OR2J1: variants seen among roughly 807,000 people sequenced by gnomAD.
The protein encoded by OR2J1 is olfactory receptor 2J1.
OR2J1 carries 10 observed loss-of-function variants against 10.2 expected under a neutral mutation model. The ratio of observed to expected loss-of-function variants is 0.98; its 90% CI spans 0.60 to 1.66. The LOEUF (loss-of-function observed/expected upper bound fraction) is 1.66. Ranked by LOEUF, OR2J1 falls within the 40% of genes most tolerant of loss-of-function variation. The pLI is 0.00. For synonymous variants in OR2J1, 143 were observed against 138.8 expected (o/e 1.03, Z -0.21); for missense variants, 317 against 379.4 (o/e 0.84, Z 1.37).
At position 29,101,976 on chromosome 6, in the gene OR2J1, G is replaced by A; in HGVS notation, c.*95G>A. ...TTTGTGATTTGTGTTTCATCTAACAGCTCACAAAACATGGAATAGTTCAGT... is the reference window on the plus strand; with the variant it reads ...TTTGTGATTTGTGTTTCATCTAACAACTCACAAAACATGGAATAGTTCAGT... On this transcript the variant is annotated 3_prime_UTR_variant, in exon 2 of 2. Transcript: ENST00000641659. 1.6e-6 allele frequency: 1 copy of A among 622,344 alleles called. No homozygotes were observed. The allele number at this position is 622,344 out of a possible 1,614,324, so 38.6% of individuals were successfully genotyped here.
In OR2J1 at chr6:29,101,886, G is replaced by A. The variant is rs770232906; in HGVS notation, c.*5G>A. 460 of 1,094,854 alleles carry A rather than the reference G, an allele frequency of 4.2e-4. No homozygotes were observed. The highest frequency in any genetic ancestry group is 5.5e-4 in the Non-Finnish European group (395 of 715,022). The allele number at this position is 1,094,854 out of a possible 1,614,324, so 67.8% of individuals were successfully genotyped here. ...GGGTGGGAATGGGGGATGTGACAGGGAAATCATGTTGGCTGTTGTTTTTCC... is the reference window on the plus strand; with the variant it reads ...GGGTGGGAATGGGGGATGTGACAGGAAAATCATGTTGGCTGTTGTTTTTCC... On this transcript the variant is annotated 3_prime_UTR_variant, in exon 2 of 2. Coordinates refer to ENST00000641659, the MANE Select transcript of OR2J1 (RefSeq NM_001348294.2).
Position 29,101,758 on chromosome 6 carries a change from C to A in OR2J1, c.816C>A (p.Gly272=). The change falls in exon 2 of 2, where the codon GGC becomes GGA. Residue 272 remains glycine (G), a synonymous_variant. Transcript: ENST00000641659. ...CATCAGAAAATTCTCAAGATCAAGGCAAGTTCATTGCCCTCTTTTACACTG... is the reference window on the plus strand; with the variant it reads ...CATCAGAAAATTCTCAAGATCAAGGAAAGTTCATTGCCCTCTTTTACACTG... ...QPPSENSQDQ[G]KFIALFYTVV... 6.2e-7 allele frequency: 1 copy of A among 1,612,800 alleles called. No individual in the cohort carries two copies. The highest frequency in any genetic ancestry group is 8.5e-7 in the Non-Finnish European group (1 of 1,178,780).
chr6:29,100,982 C>G lies in OR2J1; in HGVS notation c.40C>G (p.Leu14Val). ...AAATGCAAGTTTTGAAGACTTCTTT[C>G]TTCTACTTGGATTTTCTAACTGGCC... is the stretch of plus-strand genomic sequence containing the variant. ...KKNASFEDFF[L>V]LLGFSNWPHL... Residue 14 changes from leucine to valine, a missense_variant, in exon 2 of 2, where the codon CTT (leucine) becomes GTT (valine). Coordinates refer to ENST00000641659, the MANE Select transcript of OR2J1 (RefSeq NM_001348294.2). 1 of 1,418,192 alleles carries G rather than the reference C, an allele frequency of 7.1e-7. No homozygotes were observed. The highest frequency in any genetic ancestry group is 1.0e-6 in the Non-Finnish European group (1 of 1,003,060). The allele number at this position is 1,418,192 out of a possible 1,614,324, so 87.9% of individuals were successfully genotyped here.
Position 29,101,360 on chromosome 6 carries a change from C to T in OR2J1, c.418C>T (p.Arg140Cys), listed in dbSNP as rs767839171. The T allele has an allele frequency of 5.6e-6, 9 of 1,597,838 alleles. No individual in the cohort carries two copies. Among genetic ancestry groups the T allele is most frequent in the African/African-American group, 2.7e-5 (2 of 74,716 alleles). The change falls in exon 2 of 2, where the codon CGT (arginine) becomes TGT (cysteine). Residue 140 changes from arginine to cysteine, a missense_variant. By Grantham distance (180) the Arg-to-Cys change is radical (BLOSUM62 -3). Transcript: ENST00000641659. ...GCATTACACTGTCCTCATGCACCCT[C>T]GTTTCTGCCGCTTGTTGGCTGCGGC... ...PLHYTVLMHP[R>C]FCRLLAAASW... is the part of the protein sequence containing the mutation.
rs758842576 is a variant in OR2J1, at chr6:29,101,657, C to T, written c.715C>T (p.Leu239Phe). Residue 239 changes from leucine to phenylalanine, a missense_variant, in exon 2 of 2, where the codon CTT becomes TTT. Transcript: ENST00000641659. ...MQSTTGLQKV[L>F]RTCGAHLMVV... ...ATCAACCACTGGGCTTCAGAAAGTGCTTAGGACATGTGGAGCCCATCTTAT... is the reference window on the plus strand; with the variant it reads ...ATCAACCACTGGGCTTCAGAAAGTGTTTAGGACATGTGGAGCCCATCTTAT... 106 of 1,613,452 alleles carry T rather than the reference C, an allele frequency of 6.6e-5. No individual in the cohort carries two copies. In the Middle Eastern group the frequency reaches 1.3e-3, roughly 20 times the overall value.
At chr6:29,100,723 A>G (rs1581895084) in intron 1 of OR2J1, 37 bp from the exon 2 acceptor site, 2 of 455,716 alleles carry the variant, frequency 4.4e-6, no homozygotes, top group African/African-American at 3.9e-5. Context: ...ATATAAAAGA[A>G]CTCAGTAACT....
chr6:29,100,191 C>T (rs1461883941), intron 1 of OR2J1, among the ~76,000 whole-genome samples: 1 of 152,180 alleles, frequency 6.6e-6, no homozygotes, highest in Non-Finnish European at 1.5e-5. Flanking sequence ...TCTTACACCT[C>T]CCGGTGTTTT....
chr6:29,102,135 T>A lies in OR2J1; in HGVS notation c.*254T>A, dbSNP rs1761673651. On this transcript the variant is annotated 3_prime_UTR_variant, in exon 2 of 2. Transcript: ENST00000641659. ...AAAATTGTGGACTGTGGTTTCAACA[T>A]AAATAAATGTGTGTGTGAATAATTA... 2.5e-6 allele frequency: 1 copy of A among 404,288 alleles called. No homozygotes were observed. 25.0% of individuals were successfully genotyped at this position (404,288 alleles called of 1,614,324 possible). A position where few individuals can be genotyped will look rare whatever the true frequency, so the allele number is the denominator to read the frequency against.
At position 29,101,509 on chromosome 6, in the gene OR2J1, A is replaced by G; in HGVS notation, c.567A>G (p.Ser189=). 2.0e-6 allele frequency: 3 copies of G among 1,529,200 alleles called. No individual in the cohort carries two copies. The highest frequency in any genetic ancestry group is 2.2e-5 in the East Asian group (1 of 44,468). The allele number at this position is 1,529,200 out of a possible 1,614,324, so 94.7% of individuals were successfully genotyped here. Residue 189 remains serine (S), a synonymous_variant, in exon 2 of 2, where the codon TCA becomes TCG. Coordinates refer to ENST00000641659, the MANE Select transcript of OR2J1 (RefSeq NM_001348294.2). ...AAGTTCCAGCACTTCTGCGATTATC[A>G]TGTGTTGATACCCAGGCAAATGAGC... ...FCEVPALLRL[S]CVDTQANELT...
In OR2J1 at chr6:29,101,772, T is replaced by C. The variant is rs753035718; in HGVS notation, c.830T>C (p.Leu277Pro). 77 of 1,610,816 alleles carry C rather than the reference T, an allele frequency of 4.8e-5. No homozygotes were observed. Among genetic ancestry groups the C allele is most frequent in the Non-Finnish European group, 6.4e-5 (75 of 1,177,052 alleles). ...CAAGATCAAGGCAAGTTCATTGCCCTCTTTTACACTGTTGTCACACCTAGT... is the reference window on the plus strand; with the variant it reads ...CAAGATCAAGGCAAGTTCATTGCCCCCTTTTACACTGTTGTCACACCTAGT... The part of the protein sequence containing the change: ...NSQDQGKFIA[L>P]FYTVVTPSLN... The change falls in exon 2 of 2, where the codon CTC becomes CCC. Residue 277 changes from leucine (L) to proline (P), a missense_variant. Leu to Pro is a moderately conservative substitution (Grantham distance 98). Transcript: ENST00000641659.
chr6:29,101,651 A>G lies in OR2J1; in HGVS notation c.709A>G (p.Lys237Glu). The G allele has an allele frequency of 1.2e-6, 2 of 1,613,464 alleles. No individual in the cohort carries two copies. Among genetic ancestry groups the G allele is most frequent in the Non-Finnish European group, 1.7e-6 (2 of 1,179,392 alleles). Reference protein sequence around the residue: ...LSMQSTTGLQKVLRTCGAHLM... With the variant: ...LSMQSTTGLQEVLRTCGAHLM... The stretch of plus-strand genomic sequence containing the variant: ...CATGCAATCAACCACTGGGCTTCAG[A>G]AAGTGCTTAGGACATGTGGAGCCCA... Residue 237 changes from lysine to glutamate, a missense_variant, in exon 2 of 2, where the codon AAA becomes GAA. By Grantham distance (56) the Lys-to-Glu change is moderately conservative (BLOSUM62 1). Coordinates refer to ENST00000641659, the MANE Select transcript of OR2J1 (RefSeq NM_001348294.2).
In OR2J1 at chr6:29,101,881, A is replaced by G. The variant is rs757751489; in HGVS notation, c.939A>G (p.Ter313TrpextTer11). 8 of 1,136,460 alleles carry G rather than the reference A, an allele frequency of 7.0e-6. No homozygotes were observed. The South Asian group carries it at 7.6e-5, about 11-fold the overall frequency. The allele number at this position is 1,136,460 out of a possible 1,614,324, so 70.4% of individuals were successfully genotyped here. ...KRLMGWEWGM[*>W] is the part of the protein sequence containing the mutation. Reference sequence around the variant, plus strand: ...TAATGGGGTGGGAATGGGGGATGTGACAGGGAAATCATGTTGGCTGTTGTT... The same window carrying G: ...TAATGGGGTGGGAATGGGGGATGTGGCAGGGAAATCATGTTGGCTGTTGTT... The change falls in exon 2 of 2, where the codon TGA becomes TGG. Residue 313 changes from the stop codon to tryptophan, a stop_lost. Coordinates refer to ENST00000641659, the MANE Select transcript of OR2J1 (RefSeq NM_001348294.2).
rs1239843001 is a variant in OR2J1 at position 29,101,494 on chromosome 6, A to G, written c.552A>G (p.Ala184=). ...ATCACTTCTTCTGTGAAGTTCCAGC[A>G]CTTCTGCGATTATCATGTGTTGATA... ...LVDHFFCEVP[A]LLRLSCVDTQ... is the part of the protein sequence containing the mutation. Residue 184 remains alanine, a synonymous_variant, in exon 2 of 2, where the codon GCA becomes GCG. Transcript: ENST00000641659. The G allele has an allele frequency of 1.3e-6, 2 of 1,509,930 alleles. No homozygotes were observed. The highest frequency in any genetic ancestry group is 9.2e-7 in the Non-Finnish European group (1 of 1,083,942). The allele number at this position is 1,509,930 out of a possible 1,614,324, so 93.5% of individuals were successfully genotyped here. A position where few individuals can be genotyped will look rare whatever the true frequency, so the allele number is the denominator to read the frequency against.
At position 29,101,104 on chromosome 6, in the gene OR2J1, C is replaced by A; in HGVS notation, c.162C>A (p.Ser54=). ...LFIIILSYLD[S]HLHTPMYFFL... is the part of the protein sequence containing the mutation. Reference sequence around the variant, plus strand: ...TCATCATCCTGTCATACCTGGACTCCCATCTCCACACTCCCATGTACTTCT... The same window carrying A: ...TCATCATCCTGTCATACCTGGACTCACATCTCCACACTCCCATGTACTTCT... The change falls in exon 2 of 2, where the codon TCC becomes TCA. Residue 54 remains serine (S), a synonymous_variant. Transcript: ENST00000641659. 1.3e-5 allele frequency: 20 copies of A among 1,556,786 alleles called. No homozygotes were observed. The highest frequency in any genetic ancestry group is 1.7e-5 in the Non-Finnish European group (19 of 1,127,788).
chr6:29,101,000 AACTGGC>A lies in OR2J1; in HGVS notation c.59_64del (p.Asn20_Pro22delinsThr), dbSNP rs770450797. The A allele has an allele frequency of 6.8e-7, 1 of 1,473,228 alleles. No homozygotes were observed. Among genetic ancestry groups the A allele is most frequent in the African/African-American group, 1.4e-5 (1 of 72,022 alleles). The allele number at this position is 1,473,228 out of a possible 1,614,324, so 91.3% of individuals were successfully genotyped here. A position where few individuals can be genotyped will look rare whatever the true frequency, so the allele number is the denominator to read the frequency against. On this transcript the variant is annotated inframe_deletion, in exon 2 of 2. Transcript: ENST00000641659. ...CTTCTTTCTTCTACTTGGATTTTCT[AACTGGC>A]CTCATCTGGAAGTAGTTCTCTTTGT...
Position 29,102,511 on chromosome 6 carries a change from C to T in OR2J1, c.*630C>T, listed in dbSNP as rs995839219. ...TAAAATGGCTGATTCGTTCATCTGT[C>T]CATTTATTCATTAACTTATTCTTCA... On this transcript the variant is annotated 3_prime_UTR_variant, in exon 2 of 2. Coordinates refer to ENST00000641659, the MANE Select transcript of OR2J1 (RefSeq NM_001348294.2). 6.6e-6 allele frequency: 1 copy of T among 152,160 alleles called. No individual in the cohort carries two copies. Among genetic ancestry groups the T allele is most frequent in the African/African-American group, 2.4e-5 (1 of 41,430 alleles). The allele number at this position is 152,160 out of a possible 1,614,324, so 9.4% of individuals were successfully genotyped here.
chr6:29,101,891 C>A lies in OR2J1; in HGVS notation c.*10C>A. ...GGAATGGGGGATGTGACAGGGAAATCATGTTGGCTGTTGTTTTTCCTAGGG... is the reference window on the plus strand; with the variant it reads ...GGAATGGGGGATGTGACAGGGAAATAATGTTGGCTGTTGTTTTTCCTAGGG... On this transcript the variant is annotated 3_prime_UTR_variant, in exon 2 of 2. Transcript: ENST00000641659. 9.5e-7 allele frequency: 1 copy of A among 1,052,182 alleles called. No individual in the cohort carries two copies. Among genetic ancestry groups the A allele is most frequent in the Non-Finnish European group, 1.5e-6 (1 of 678,898 alleles). 65.2% of individuals were successfully genotyped at this position (1,052,182 alleles called of 1,614,324 possible). A position where few individuals can be genotyped will look rare whatever the true frequency, so the allele number is the denominator to read the frequency against.
chr6:29,100,436 C>T (rs1311931183), intron 1 of OR2J1, among the ~76,000 whole-genome samples: 1 of 152,002 alleles, frequency 6.6e-6, no homozygotes, highest in Non-Finnish European at 1.5e-5. Context: ...TCATTTAATT[C>T]TTTCTATAAT....
Position 29,099,760 on chromosome 6 carries a change from C to T in OR2J1, c.-282C>T, listed in dbSNP as rs1761479879. ...TGGCCCAAGTTCAACGTTCCTAGCT[C>T]TCCAGCTGTAACTCAACTAATTAGG... On this transcript the variant is annotated 5_prime_UTR_variant, in exon 1 of 2. Transcript: ENST00000641659. 1 of 152,190 alleles carries T rather than the reference C, an allele frequency of 6.6e-6. No homozygotes were observed. The highest frequency in any genetic ancestry group is 2.4e-5 in the African/African-American group (1 of 41,440). 9.4% of individuals were successfully genotyped at this position (152,190 alleles called of 1,614,324 possible).
Sources: gnomAD v4.1 joint callset for allele counts (sites outside exome capture counted in the v4.1 genomes callset) on GRCh38, gnomAD v4.1.1 for gene constraint, MANE v1.5 for transcripts, NCBI Gene and HGNC (gene_info 2026-07-23, HGNC 2026-07-21) for gene names.